Variants in SEC31A observed in about 807,000 individuals in gnomAD.
The protein encoded by SEC31A is SEC31 homolog A, COPII component, also known as protein transport protein Sec31A.
A neutral mutation model predicts 151.0 loss-of-function variants in SEC31A; 70 were observed. The ratio of observed to expected loss-of-function variants is 0.46; its 90% confidence interval spans 0.38 to 0.57. The LOEUF (loss-of-function observed/expected upper bound fraction) is 0.57. SEC31A is among the 20% of genes least tolerant of loss of function. The pLI is 0.00. For missense variants in SEC31A, 1,330 were observed against 1,471.2 expected (o/e 0.90, Z 1.57); for synonymous variants, 475 against 505.9 (o/e 0.94, Z 0.82).
At chr4:82,826,911 G>T (rs1164421877) in intron 24 of SEC31A, among the ~76,000 whole-genome samples, 1 of 152,160 alleles carries the variant, frequency 6.6e-6, no homozygotes, top group Non-Finnish European at 1.5e-5. Flanking sequence ...GCAGGACTTT[G>T]CCAACTGGCT....
intron 8 of SEC31A, 72 bp from the exon 9 acceptor site, chr4:82,867,388 T>A: frequency 1.5e-6 from 2 of 1,295,082 alleles, no homozygotes; most frequent in Non-Finnish European, 1.1e-6. Context: ...ACACCTGAAT[T>A]AATGTGGTCA....
chr4:82,850,044 G>T (rs1174035493), intron 19 of SEC31A, among the ~76,000 whole-genome samples: 1 of 151,702 alleles, frequency 6.6e-6, no homozygotes, highest in Non-Finnish European at 1.5e-5. Context: ...AAAAAGGCAG[G>T]GTCTACTGAG....
intron 20 of SEC31A, chr4:82,845,148 T>C (rs1729780847): frequency 5.1e-6 from 6 of 1,185,172 alleles, no homozygotes; most frequent in Non-Finnish European, 7.2e-6. Context: ...AACATATAAC[T>C]GTATATTTAG....
chr4:82,891,333 C>T, upstream of SEC31A: 1 of 727,734 alleles, frequency 1.4e-6, no homozygotes, highest in Admixed American at 2.8e-5. Flanking sequence ...CGGGGTACGG[C>T]TCCGCTGGTT....
rs1260089942 is a variant in SEC31A at position 82,853,595 on chromosome 4, T to C, written c.2129A>G (p.Asp710Gly). ...KLVACWTKAQ[D>G]GSHPLSLQDL... Reference sequence around the variant, plus strand: ...CTGAAGTGACAAAGGGTGGCTTCCATCTTGAGCTTTAGTCCAACATGCAAC... The same window carrying C: ...CTGAAGTGACAAAGGGTGGCTTCCACCTTGAGCTTTAGTCCAACATGCAAC... Residue 710 changes from aspartate (D) to glycine (G), a missense_variant, in exon 18 of 27, where the codon GAT becomes GGT. Transcript: ENST00000395310. 6.3e-7 allele frequency: 1 copy of C among 1,585,892 alleles called. No homozygotes were observed. The highest frequency in any genetic ancestry group is 1.2e-5 in the South Asian group (1 of 85,310).
intron 1 of SEC31A, chr4:82,890,735 C>T (rs554784863): frequency 1.8e-6 from 2 of 1,125,862 alleles, no homozygotes; most frequent in South Asian, 7.8e-5. Context: ...CCTCTCCTCA[C>T]CCTCGGGGAC....
At chr4:82,825,568 A>C (rs1268790246) in intron 24 of SEC31A, among the ~76,000 whole-genome samples, 1 of 152,236 alleles carries the variant, frequency 6.6e-6, no homozygotes, top group African/African-American at 2.4e-5. Flanking sequence ...AGGAAGGATC[A>C]CGGTAAAAGG....
At chr4:82,853,273 C>T (rs188426351) in intron 18 of SEC31A, among the ~76,000 whole-genome samples, 1 of 152,296 alleles carries the variant, frequency 6.6e-6, no homozygotes, top group African/African-American at 2.4e-5. Context: ...TGGAAGCAGA[C>T]AGAGGAGCAC....
chr4:82,884,711 C>T (rs1436920174), intron 1 of SEC31A, among the ~76,000 whole-genome samples: 3 of 152,216 alleles, frequency 2.0e-5, no homozygotes, highest in South Asian at 4.1e-4. Context: ...GCCTATAATT[C>T]CTCCTTTCCT....
At chr4:82,893,014 T>C (rs1719908357), upstream of SEC31A, 1 of 152,180 alleles carries the variant, frequency 6.6e-6, no homozygotes, top group Admixed American at 6.5e-5. Context: ...TAGAAGAATG[T>C]TTGGAGAGAA....
intron 6 of SEC31A, 33 bp downstream of exon 6, chr4:82,874,578 A>C: frequency 6.4e-7 from 1 of 1,563,110 alleles, no homozygotes; most frequent in Non-Finnish European, 8.6e-7. Context: ...GCAGAAATAC[A>C]ACATGTTCAT....
rs1719677739 is a variant in SEC31A at position 82,891,139 on chromosome 4, A to ACTCTCCCAGCATTCGCCGCCGCC, written c.-57_-56insGGCGGCGGCGAATGCTGGGAGAG. ...CCTGCGTTAGTGCAGCGCTCGTCGG[A>ACTCTCCCAGCATTCGCCGCCGCC]CTCTCCCAGCATTCGCCGCCGCCCC... On this transcript the variant is annotated 5_prime_UTR_variant, in exon 1 of 27. It adds an upstream start codon to the 5' untranslated region. Coordinates refer to ENST00000395310, the MANE Select transcript of SEC31A (RefSeq NM_001077207.4). 7 of 1,535,166 alleles carry ACTCTCCCAGCATTCGCCGCCGCC rather than the reference A, an allele frequency of 4.6e-6. No homozygotes were observed. Among genetic ancestry groups the ACTCTCCCAGCATTCGCCGCCGCC allele is most frequent in the Admixed American group, 2.0e-5 (1 of 50,922 alleles).
intron 17 of SEC31A, among the ~76,000 whole-genome samples, chr4:82,854,157 A>G (rs1171980715): frequency 6.6e-6 from 1 of 152,188 alleles, no homozygotes; most frequent in Non-Finnish European, 1.5e-5. Flanking sequence ...AGAGGTCAGG[A>G]GTTCAAGACC....
At chr4:82,847,718 C>G (rs1291160720) in intron 20 of SEC31A, among the ~76,000 whole-genome samples, 1 of 152,166 alleles carries the variant, frequency 6.6e-6, no homozygotes, top group Non-Finnish European at 1.5e-5. Context: ...CAGACTAAGT[C>G]TAGTGCAATC....
At chr4:82,858,542 CAAAAAAAAAAAAAAA>C (rs201988682) in intron 14 of SEC31A, among the ~76,000 whole-genome samples, 1 of 62,946 alleles carries the variant, frequency 1.6e-5, no homozygotes, top group African/African-American at 4.3e-5. Context: ...GACTCTGTCT[CAAAAAAAAAAAAAAA>C]AAAAAAAAAA....
upstream of SEC31A, among the ~76,000 whole-genome samples, chr4:82,891,548 T>C (rs115524386): frequency 0.022 from 3,341 of 152,312 alleles, 128 homozygotes; most frequent in African/African-American, 0.075. Flanking sequence ...CTGGCGACAC[T>C]GCCCGCGCCA....
intron 14 of SEC31A, among the ~76,000 whole-genome samples, chr4:82,858,498 T>A (rs1413681823): frequency 1.5e-5 from 2 of 130,992 alleles, no homozygotes; most frequent in Non-Finnish European, 3.1e-5. Flanking sequence ...GAGTTGAGAT[T>A]GCGCCACTGC....
In SEC31A at chr4:82,891,123, G is replaced by C. The variant is rs1389986309; in HGVS notation, c.-40C>G. 3 of 1,535,932 alleles carry C rather than the reference G, an allele frequency of 2.0e-6. No homozygotes were observed. Among genetic ancestry groups the C allele is most frequent in the Middle Eastern group, 1.7e-4 (1 of 5,990 alleles). On this transcript the variant is annotated 5_prime_UTR_variant, in exon 1 of 27. Transcript: ENST00000395310. ...CCTTCGGCAGCCGGATCCTGCGTTAGTGCAGCGCTCGTCGGACTCTCCCAG... is the reference window on the plus strand; with the variant it reads ...CCTTCGGCAGCCGGATCCTGCGTTACTGCAGCGCTCGTCGGACTCTCCCAG...
chr4:82,896,734 G>A (rs1457562987), intron 3 of SEC31A, among the ~76,000 whole-genome samples: 1 of 152,098 alleles, frequency 6.6e-6, no homozygotes, highest in South Asian at 2.1e-4. Context: ...TACTAACTTG[G>A]AAAGTTGAAC....
Sources: gnomAD v4.1 joint callset for allele counts (sites outside exome capture counted in the v4.1 genomes callset) on GRCh38, gnomAD v4.1.1 for gene constraint, MANE v1.5 for transcripts, NCBI Gene and HGNC (gene_info 2026-07-23, HGNC 2026-07-21) for gene names.